Variants in BMERB1 observed in about 807,000 individuals in gnomAD.
BMERB1 encodes the protein bMERB domain containing 1, also known as bMERB domain-containing protein 1.
A neutral mutation model predicts 23.6 loss-of-function variants in BMERB1; 12 were observed. The observed-to-expected ratio is 0.51, with a 90% CI of 0.33 to 0.82. The LOEUF (loss-of-function observed/expected upper bound fraction) is 0.82, where lower values mean the gene tolerates loss of function less well. BMERB1 is among the 40% of genes least tolerant of loss of function. The pLI is 0.03. For missense variants in BMERB1, 247 were observed against 255.4 expected (o/e 0.97, Z 0.22); for synonymous variants, 122 against 96.6 (o/e 1.26, Z -1.54).
intron 2 of BMERB1, among the ~76,000 whole-genome samples, chr16:15,555,676 G>A (rs1481043724): frequency 6.6e-6 from 1 of 152,052 alleles, no homozygotes; most frequent in Non-Finnish European, 1.5e-5. Context: ...GCAACATGAG[G>A]GCATTCCCTT....
chr16:15,529,170 G>A (rs1313016139), intron 2 of BMERB1, among the ~76,000 whole-genome samples: 6 of 151,906 alleles, frequency 3.9e-5, no homozygotes, highest in African/African-American at 1.2e-4. Flanking sequence ...GACTACAGGC[G>A]CCCACCACCA....
chr16:15,565,912 G>C (rs1375376759), intron 2 of BMERB1, among the ~76,000 whole-genome samples: 1 of 152,114 alleles, frequency 6.6e-6, no homozygotes, highest in Admixed American at 6.5e-5. Context: ...TGTATCACGG[G>C]GAAGTTATTT....
intron 3 of BMERB1, among the ~76,000 whole-genome samples, chr16:15,575,181 C>A (rs548756770): frequency 1.3e-5 from 2 of 152,306 alleles, no homozygotes; most frequent in South Asian, 4.1e-4. Flanking sequence ...CTGGAAGACA[C>A]TTAGAACAAG....
chr16:15,509,607 C>T (rs376586047), intron 1 of BMERB1, among the ~76,000 whole-genome samples: 6 of 152,186 alleles, frequency 3.9e-5, no homozygotes, highest in South Asian at 4.1e-4. Flanking sequence ...ACACTGCCCC[C>T]GCCTAGCTGT....
At chr16:15,471,624 T>C (rs1016618099) in intron 1 of BMERB1, among the ~76,000 whole-genome samples, 2 of 152,178 alleles carry the variant, frequency 1.3e-5, no homozygotes, top group Admixed American at 1.3e-4. Flanking sequence ...TCTCTGTCTG[T>C]CTCTTTTTAG....
At chr16:15,556,617 C>T (rs776795768) in intron 2 of BMERB1, among the ~76,000 whole-genome samples, 18 of 152,228 alleles carry the variant, frequency 1.2e-4, no homozygotes, top group African/African-American at 3.9e-4. Flanking sequence ...GACGGAGTCT[C>T]GCTCTGTTGC....
At chr16:15,576,953 C>T (rs2030878981) in intron 3 of BMERB1, among the ~76,000 whole-genome samples, 1 of 152,130 alleles carries the variant, frequency 6.6e-6, no homozygotes. Flanking sequence ...CAGACTGCAC[C>T]AAATTTTATA....
chr16:15,439,900 CAG>C lies in BMERB1; in HGVS notation c.106+5142_106+5143del, dbSNP rs370871838. ...CTTAAAGGATGATCAAGATTTTGGA[CAG>C]GGGAAATGGAGGAGTTGGAGGCGGG... is the stretch of plus-strand genomic sequence containing the variant. On this transcript the variant is annotated intron_variant, in intron 1 of 5. Transcript: ENST00000300006. Among the ~76,000 whole-genome samples the C allele has an allele frequency of 1.6e-4, 25 of 152,022 alleles. No homozygotes were observed. The East Asian group carries it at 4.6e-3, about 28-fold the overall frequency.
chr16:15,515,568 A>T, intron 2 of BMERB1, 140 bp downstream of exon 2: 1 of 1,225,044 alleles, frequency 8.2e-7, no homozygotes, highest in Non-Finnish European at 1.1e-6. Context: ...TTTGATTCTC[A>T]CCACCACCCA....
At chr16:15,444,311 A>C (rs1053536594) in intron 1 of BMERB1, among the ~76,000 whole-genome samples, 1 of 151,208 alleles carries the variant, frequency 6.6e-6, no homozygotes, top group Non-Finnish European at 1.5e-5. Context: ...TTTCTTCACT[A>C]TTCACTTGTT....
At chr16:15,529,617 A>G (rs1232533038) in intron 2 of BMERB1, among the ~76,000 whole-genome samples, 4 of 152,170 alleles carry the variant, frequency 2.6e-5, no homozygotes, top group Non-Finnish European at 5.9e-5. Context: ...ACTCCCAAAA[A>G]TGTTGACGGT....
chr16:15,452,167 G>C (rs1027889705), intron 1 of BMERB1, among the ~76,000 whole-genome samples: 3 of 151,670 alleles, frequency 2.0e-5, no homozygotes, highest in African/African-American at 7.3e-5. Context: ...TGTAGTCCTA[G>C]CTACTTGAGA....
chr16:15,553,899 T>C (rs2030167044), intron 2 of BMERB1, among the ~76,000 whole-genome samples: 1 of 152,124 alleles, frequency 6.6e-6, no homozygotes, highest in African/African-American at 2.4e-5. Context: ...CCAAACTGGG[T>C]TTCATAGACA....
chr16:15,471,922 G>C (rs907643042), intron 1 of BMERB1, among the ~76,000 whole-genome samples: 1 of 152,122 alleles, frequency 6.6e-6, no homozygotes, highest in Non-Finnish European at 1.5e-5. Context: ...TTTACACTGA[G>C]TACAGTCTCT....
intron 1 of BMERB1, among the ~76,000 whole-genome samples, chr16:15,495,645 C>T (rs764099117): frequency 2.0e-5 from 3 of 152,196 alleles, no homozygotes; most frequent in African/African-American, 7.2e-5. Context: ...GGATTACAGG[C>T]GTGAGCCACC....
chr16:15,439,362 TA>T (rs11323324), intron 1 of BMERB1, among the ~76,000 whole-genome samples: 150,516 of 152,278 alleles, frequency 0.99, 74,416 homozygotes, highest in Middle Eastern at 1. Flanking sequence ...TTAGATGAGA[TA>T]ATGTATATAA....
chr16:15,558,693 C>A (rs1308397219), intron 2 of BMERB1, among the ~76,000 whole-genome samples: 1 of 150,452 alleles, frequency 6.6e-6, no homozygotes, highest in African/African-American at 2.5e-5. Flanking sequence ...CATATAGTGA[C>A]ATATGTAAGG....
chr16:15,539,462 C>T (rs1488414736), intron 2 of BMERB1, among the ~76,000 whole-genome samples: 2 of 152,166 alleles, frequency 1.3e-5, no homozygotes, highest in East Asian at 3.9e-4. Flanking sequence ...GGAACCCCTG[C>T]TTTATCAGAC....
At chr16:15,554,447 C>G (rs985622084) in intron 2 of BMERB1, among the ~76,000 whole-genome samples, 1 of 152,124 alleles carries the variant, frequency 6.6e-6, no homozygotes, top group African/African-American at 2.4e-5. Context: ...AATTATACTT[C>G]TGTATTGTTT....
Sources: allele counts gnomAD v4.1 joint callset (sites outside exome capture counted in the v4.1 genomes callset), GRCh38; gene constraint gnomAD v4.1.1; transcripts MANE v1.5; gene names NCBI Gene and HGNC (gene_info 2026-07-23, HGNC 2026-07-21).